RAI14: variants seen among roughly 807,000 people sequenced by gnomAD.
The protein encoded by RAI14 is retinoic acid induced 14, also known as ankycorbin.
RAI14 carries 45 observed loss-of-function variants against 115.4 expected under a neutral mutation model. That is an observed-to-expected ratio of 0.39 (90% CI 0.31 to 0.50). The LOEUF is 0.50. Among genes scored for constraint, RAI14 ranks in the 20% least tolerant of loss-of-function variants. RAI14 has a pLI of 0.85. For synonymous variants in RAI14, 371 were observed against 415.4 expected (o/e 0.89, Z 1.30); for missense variants, 939 against 1,131.2 (o/e 0.83, Z 2.44).
Position 34,826,437 on chromosome 5 carries a change from G to T in RAI14, c.2757G>T (p.Glu919Asp). The change falls in exon 16 of 18, where the codon GAG (glutamate) becomes GAT (aspartate). Residue 919 changes from glutamate to aspartate, a missense_variant. Transcript: ENST00000265109. ...SSSKRQSQQL[E>D]ALQQQVKQLQ... ...CCAAAAGGCAGAGTCAGCAGCTGGA[G>T]GCGCTGCAGCAGCAAGTCAAACAGC... The T allele has an allele frequency of 6.2e-7, 1 of 1,614,052 alleles. No individual in the cohort carries two copies. Among genetic ancestry groups the T allele is most frequent in the Non-Finnish European group, 8.5e-7 (1 of 1,179,964 alleles).
intron 2 of RAI14, among the ~76,000 whole-genome samples, chr5:34,740,766 C>G (rs1282168506): frequency 1.3e-5 from 2 of 152,184 alleles, no homozygotes; most frequent in Admixed American, 1.3e-4. Context: ...CCTTTAGACA[C>G]CAGGCAGAAG....
At chr5:34,699,448 T>A (rs1268782574) in intron 2 of RAI14, among the ~76,000 whole-genome samples, 1 of 152,152 alleles carries the variant, frequency 6.6e-6, no homozygotes, top group East Asian at 1.9e-4. Context: ...GTTTCTTGGC[T>A]TATAGGAGCA....
At chr5:34,682,851 T>C (rs1744487997) in intron 1 of RAI14, among the ~76,000 whole-genome samples, 1 of 152,238 alleles carries the variant, frequency 6.6e-6, no homozygotes, top group South Asian at 2.1e-4. Flanking sequence ...TTTGCTGTAT[T>C]TCTTTTGAAG....
chr5:34,663,122 A>G (rs1473986210), intron 1 of RAI14, among the ~76,000 whole-genome samples: 1 of 152,184 alleles, frequency 6.6e-6, no homozygotes, highest in African/African-American at 2.4e-5. Context: ...ATCAAATGTC[A>G]ATTTTCTAGC....
chr5:34,664,495 C>A (rs1742951887), intron 1 of RAI14, among the ~76,000 whole-genome samples: 1 of 151,280 alleles, frequency 6.6e-6, no homozygotes, highest in African/African-American at 2.4e-5. Context: ...GTTTCCCTTA[C>A]ACTTATTTAT....
chr5:34,725,962 C>CAAAAAA (rs199657623), intron 2 of RAI14, among the ~76,000 whole-genome samples: 2 of 113,742 alleles, frequency 1.8e-5, no homozygotes, highest in Non-Finnish European at 1.9e-5. Flanking sequence ...AACTGCTTCT[C>CAAAAAA]AAAAAAAAAA....
chr5:34,702,132 G>A (rs1299006526), intron 2 of RAI14, among the ~76,000 whole-genome samples: 2 of 152,132 alleles, frequency 1.3e-5, no homozygotes, highest in Non-Finnish European at 2.9e-5. Context: ...AACTCTTTTC[G>A]TCAACACTAT....
intron 2 of RAI14, among the ~76,000 whole-genome samples, chr5:34,735,576 C>G (rs1744762604): frequency 6.6e-6 from 1 of 152,200 alleles, no homozygotes; most frequent in Admixed American, 6.5e-5. Context: ...AAGTGCCTTT[C>G]TTACAACATA....
intron 2 of RAI14, among the ~76,000 whole-genome samples, chr5:34,708,144 A>G (rs1340307422): frequency 6.6e-6 from 1 of 152,132 alleles, no homozygotes; most frequent in Non-Finnish European, 1.5e-5. Flanking sequence ...ATATAATTTA[A>G]TATACTCTTT....
At chr5:34,668,716 G>T (rs752642250) in intron 1 of RAI14, among the ~76,000 whole-genome samples, 18 of 151,902 alleles carry the variant, frequency 1.2e-4, no homozygotes, top group Non-Finnish European at 2.4e-4. Context: ...TAAAATATCG[G>T]CATGGAAACT....
At chr5:34,813,766 T>G (rs112607390) in intron 11 of RAI14, 106 bp downstream of exon 11, 2 of 724,592 alleles carry the variant, frequency 2.8e-6, no homozygotes, top group African/African-American at 1.8e-5. Flanking sequence ...GACCTTTAAG[T>G]GCATATTTAA....
chr5:34,818,839 G>C lies in RAI14; in HGVS notation c.982G>C (p.Asp328His), dbSNP rs1297933738. Residue 328 changes from aspartate to histidine, a missense_variant, in exon 13 of 18, where the codon GAC (aspartate) becomes CAC (histidine). Asp to His is a moderately conservative substitution (Grantham distance 81, BLOSUM62 -1). Transcript: ENST00000265109. ...SIRENKDRLS[D>H]STTGADSLLD... ...ACGAGAAAACAAAGACAGACTAAGT[G>C]ACAGTACTACAGGTAAGACAAGGAA... 5 of 1,609,994 alleles carry C rather than the reference G, an allele frequency of 3.1e-6. No individual in the cohort carries two copies. In the African/African-American group the frequency reaches 6.7e-5, roughly 22 times the overall value.
chr5:34,703,671 A>C (rs1740347315), intron 2 of RAI14, among the ~76,000 whole-genome samples: 1 of 152,196 alleles, frequency 6.6e-6, no homozygotes, highest in South Asian at 2.1e-4. Context: ...CAACAACAAC[A>C]ACAGAAAGAA....
intron 2 of RAI14, among the ~76,000 whole-genome samples, chr5:34,713,500 A>C (rs922206073): frequency 2.0e-5 from 3 of 152,178 alleles, no homozygotes; most frequent in African/African-American, 7.2e-5. Context: ...AAAAAAAAAC[A>C]AACCCAAAAC....
chr5:34,829,150 T>C (rs564070548), intron 16 of RAI14, among the ~76,000 whole-genome samples: 1 of 129,498 alleles, frequency 7.7e-6, no homozygotes, highest in African/African-American at 2.9e-5. Context: ...TACACACATA[T>C]ATAGACACAC....
At chr5:34,744,074 G>A (rs1349865012) in intron 2 of RAI14, among the ~76,000 whole-genome samples, 2 of 152,168 alleles carry the variant, frequency 1.3e-5, no homozygotes, top group Non-Finnish European at 2.9e-5. Context: ...CTTGGGTGAA[G>A]GGCAAAGCTC....
chr5:34,732,444 T>C (rs1423414332), intron 2 of RAI14, among the ~76,000 whole-genome samples: 2 of 136,484 alleles, frequency 1.5e-5, no homozygotes, highest in Non-Finnish European at 3.0e-5. Context: ...GCTTGATTTT[T>C]TTTTTTTTTT....
intron 2 of RAI14, among the ~76,000 whole-genome samples, chr5:34,746,387 G>A (rs1293613926): frequency 7.0e-6 from 1 of 143,734 alleles, no homozygotes; most frequent in Non-Finnish European, 1.5e-5. Context: ...TTACAGGTGT[G>A]AGCCGCTGCG....
At chr5:34,660,582 C>G (rs549760786) in intron 1 of RAI14, among the ~76,000 whole-genome samples, 25 of 152,336 alleles carry the variant, frequency 1.6e-4, no homozygotes, top group African/African-American at 6.0e-4. Context: ...ACCCAACCTC[C>G]TCTTCCTCAT....
Sources: allele counts gnomAD v4.1 joint callset (sites outside exome capture counted in the v4.1 genomes callset), GRCh38; gene constraint gnomAD v4.1.1; transcripts MANE v1.5; gene names NCBI Gene and HGNC (gene_info 2026-07-23, HGNC 2026-07-21).